ERFE: variants seen among roughly 807,000 people sequenced by gnomAD.
The protein encoded by ERFE is erythroferrone.
Under a neutral mutation model 26.6 loss-of-function variants are expected in ERFE, and 25 were observed. That is an observed-to-expected ratio of 0.94 (90% CI 0.69 to 1.31). ERFE has a LOEUF of 1.31. ERFE is among the 40% of genes most tolerant of loss of function. ERFE has a pLI of 0.00. For missense variants in ERFE, 447 were observed against 440.2 expected, an observed-to-expected ratio of 1.02 and a Z score of -0.14; for synonymous variants, 206 against 204.5, an observed-to-expected ratio of 1.01 and a Z score of -0.06.
At chr2:238,161,934 C>T (rs1005458764) in intron 2 of ERFE, among the ~76,000 whole-genome samples, 10 of 152,232 alleles carry the variant, frequency 6.6e-5, no homozygotes, top group Non-Finnish European at 1.2e-4. Context: ...GCCAGGCTCT[C>T]CCTCTTTTCT....
intron 6 of ERFE, 25 bp from the exon 7 acceptor site, chr2:238,165,581 G>A (rs1693021273): frequency 6.5e-7 from 1 of 1,535,710 alleles, no homozygotes; most frequent in East Asian, 2.5e-5. Context: ...GGGGCAGGCT[G>A]ACCCTCCCTC....
intron 5 of ERFE, 26 bp downstream of exon 5, chr2:238,164,209 G>A (rs996187421): frequency 2.0e-5 from 28 of 1,429,990 alleles, no homozygotes; most frequent in Non-Finnish European, 2.2e-5. Context: ...TGGGAGGATC[G>A]CCCGCTCTGT....
At chr2:238,160,618 T>G (rs1438990778) in intron 1 of ERFE, among the ~76,000 whole-genome samples, 1 of 152,086 alleles carries the variant, frequency 6.6e-6, no homozygotes, top group African/African-American at 2.4e-5. Flanking sequence ...GCCCCCATCT[T>G]CCCACCACAA....
rs1574766218 is a variant in ERFE, at chr2:238,159,215, C to T, written c.198+10C>T. The stretch of plus-strand genomic sequence containing the variant: ...GGCCGCTCGTCCGCCGGTAAGACGC[C>T]CGGGCCCGCTCCAGACCCAGCCCGC... On this transcript the variant is annotated intron_variant, in intron 1 of 7. Coordinates refer to ENST00000546354, the MANE Select transcript of ERFE (RefSeq NM_001291832.2). 5.2e-5 allele frequency: 11 copies of T among 210,080 alleles called. No individual in the cohort carries two copies. The East Asian group carries it at 1.2e-3, about 24-fold the overall frequency. 13.0% of individuals were successfully genotyped at this position (210,080 alleles called of 1,614,324 possible). A position where few individuals can be genotyped will look rare whatever the true frequency, so the allele number is the denominator to read the frequency against.
Position 238,162,838 on chromosome 2 carries a change from G to A in ERFE, c.424G>A (p.Gly142Ser), listed in dbSNP as rs982421427. Reference sequence around the variant, plus strand: ...GAAGGAGTTCCAGCTGCTGCTGAAAGGTAGGGGTGTGCACCGGCTGGGACA... The same window carrying A: ...GAAGGAGTTCCAGCTGCTGCTGAAAAGTAGGGGTGTGCACCGGCTGGGACA... ...LLKEFQLLLKGAVRQRERAEP... is the reference protein window; with the variant it reads ...LLKEFQLLLKSAVRQRERAEP... Residue 142 changes from glycine (G) to serine (S), a missense_variant and splice_region_variant, in exon 3 of 8, where the codon GGT (glycine) becomes AGT (serine). Physicochemically the swap from Gly to Ser is moderately conservative, Grantham distance 56. Coordinates refer to ENST00000546354, the MANE Select transcript of ERFE (RefSeq NM_001291832.2). 6 of 1,549,578 alleles carry A rather than the reference G, an allele frequency of 3.9e-6. No homozygotes were observed. The highest frequency in any genetic ancestry group is 5.2e-6 in the Non-Finnish European group (6 of 1,146,446).
intron 3 of ERFE, 46 bp downstream of exon 3, chr2:238,162,884 G>C (rs540751509): frequency 6.9e-7 from 1 of 1,443,972 alleles, no homozygotes; most frequent in Non-Finnish European, 9.4e-7. Flanking sequence ...GCTGTGAGCA[G>C]GGCCTGGGAG....
intron 7 of ERFE, among the ~76,000 whole-genome samples, chr2:238,165,975 T>C (rs1188901008): frequency 1.3e-5 from 2 of 152,190 alleles, no homozygotes; most frequent in Non-Finnish European, 2.9e-5. Context: ...CCTGAGCACC[T>C]CATCCTGAGG....
rs957570553 is a variant in ERFE, at chr2:238,162,538, G to A, written c.322-198G>A. Among the ~76,000 whole-genome samples, 6 of 152,354 alleles carry A rather than the reference G, an allele frequency of 3.9e-5. No homozygotes were observed. In the East Asian group the frequency reaches 7.7e-4, roughly 20 times the overall value. On this transcript the variant is annotated intron_variant, in intron 2 of 7. Transcript: ENST00000546354. ...CAGAGTCCTTCCCTGCCAAAGCCCC[G>A]CCCCGAGGGCCCCCACCTCCAGCAC...
chr2:238,163,576 C>G, intron 3 of ERFE, 161 bp from the exon 4 acceptor site: 1 of 896,492 alleles, frequency 1.1e-6, no homozygotes, highest in East Asian at 3.5e-5. Context: ...GGTCAGGACG[C>G]AAAGACTCCG....
chr2:238,165,303 T>A (rs1181321855), intron 6 of ERFE, among the ~76,000 whole-genome samples: 1 of 152,222 alleles, frequency 6.6e-6, no homozygotes, highest in Non-Finnish European at 1.5e-5. Flanking sequence ...TAACTTAGCA[T>A]CACCTGCCAC....
At chr2:238,162,873 C>G (rs557772027) in intron 3 of ERFE, 35 bp downstream of exon 3, 1 of 1,493,360 alleles carries the variant, frequency 6.7e-7, no homozygotes, top group Non-Finnish European at 9.1e-7. Context: ...ACACACACCC[C>G]GCTGTGAGCA....
intron 1 of ERFE, among the ~76,000 whole-genome samples, chr2:238,160,215 A>C (rs1202764295): frequency 6.6e-6 from 1 of 152,190 alleles, no homozygotes; most frequent in Admixed American, 6.5e-5. Flanking sequence ...CCAGGCTCCA[A>C]GGCTTGTTTC....
rs1693077026 is a variant in ERFE at position 238,168,129 on chromosome 2, G to C, written c.*1075G>C. The C allele has an allele frequency of 4.0e-6, 1 of 247,608 alleles. No homozygotes were observed. Among genetic ancestry groups the C allele is most frequent in the Admixed American group, 5.1e-5 (1 of 19,542 alleles). The allele number at this position is 247,608 out of a possible 1,614,324, so 15.3% of individuals were successfully genotyped here. A position where few individuals can be genotyped will look rare whatever the true frequency, so the allele number is the denominator to read the frequency against. Reference sequence around the variant, plus strand: ...TCCCGAGAAAGGGTGGTCTTGGGAGGGCTGGTCCCAAGCCTGCTGTGCTCC... The same window carrying C: ...TCCCGAGAAAGGGTGGTCTTGGGAGCGCTGGTCCCAAGCCTGCTGTGCTCC... On this transcript the variant is annotated 3_prime_UTR_variant, in exon 8 of 8. Transcript: ENST00000546354.
chr2:238,165,510 C>A, intron 6 of ERFE, 96 bp from the exon 7 acceptor site: 1 of 1,050,182 alleles, frequency 9.5e-7, no homozygotes, highest in Non-Finnish European at 1.4e-6. Context: ...AGGCACTTTG[C>A]TGGGCATGTG....
rs776231840 is a variant in ERFE at position 238,167,345 on chromosome 2, C to CA, written c.*291_*292insA. 1 of 646,904 alleles carries CA rather than the reference C, an allele frequency of 1.5e-6. No individual in the cohort carries two copies. Among genetic ancestry groups the CA allele is most frequent in the South Asian group, 1.5e-5 (1 of 66,250 alleles). The allele number at this position is 646,904 out of a possible 1,614,324, so 40.1% of individuals were successfully genotyped here. ...CACCTGCTAGTCTCCAGCTGCAGGC[C>CA]GACTCTTTCCTGGCCTGCTCAGCAC... On this transcript the variant is annotated 3_prime_UTR_variant, in exon 8 of 8. Coordinates refer to ENST00000546354, the MANE Select transcript of ERFE (RefSeq NM_001291832.2).
At chr2:238,165,784 C>CGG in intron 7 of ERFE, 100 bp downstream of exon 7, 1 of 1,111,962 alleles carries the variant, frequency 9.0e-7, no homozygotes, top group Non-Finnish European at 1.3e-6. Flanking sequence ...ATCACTGGGT[C>CGG]GGGTGCAGCA....
Position 238,163,870 on chromosome 2 carries a change from G to T in ERFE, c.558G>T (p.Leu186=). The T allele has an allele frequency of 7.6e-7, 1 of 1,317,582 alleles. No individual in the cohort carries two copies. The highest frequency in any genetic ancestry group is 9.6e-7 in the Non-Finnish European group (1 of 1,041,552). 81.6% of individuals were successfully genotyped at this position (1,317,582 alleles called of 1,614,324 possible). A position where few individuals can be genotyped will look rare whatever the true frequency, so the allele number is the denominator to read the frequency against. The stretch of plus-strand genomic sequence containing the variant: ...ACGACGACGTGGTGGGGGACGTGCT[G>T]GCACTGCTGGCCGCGCCCCTGGCCC... ...EDDDDVVGDV[L]ALLAAPLAPG... Residue 186 remains leucine, a synonymous_variant, in exon 4 of 8, where the codon CTG becomes CTT. Transcript: ENST00000546354.
intron 2 of ERFE, 50 bp downstream of exon 2, chr2:238,161,766 C>T (rs745829237): frequency 4.2e-5 from 63 of 1,501,330 alleles, no homozygotes; most frequent in Non-Finnish European, 5.5e-5. Flanking sequence ...TCCGCCTCCT[C>T]GCTCCTCATC....
chr2:238,161,028 G>A lies in ERFE; in HGVS notation c.199-566G>A, dbSNP rs535020052. On this transcript the variant is annotated intron_variant, in intron 1 of 7. Coordinates refer to ENST00000546354, the MANE Select transcript of ERFE (RefSeq NM_001291832.2). Reference sequence around the variant, plus strand: ...AATGAAAGTCTCACACAGAGGCCTCGCGTCATGACAGCTCGCCTGGTCCTC... The same window carrying A: ...AATGAAAGTCTCACACAGAGGCCTCACGTCATGACAGCTCGCCTGGTCCTC... Among the ~76,000 whole-genome samples, 12 of 152,342 alleles carry A rather than the reference G, an allele frequency of 7.9e-5. No homozygotes were observed. In the South Asian group the frequency reaches 1.2e-3, roughly 16 times the overall value.
Sources: gnomAD v4.1 joint callset for allele counts (sites outside exome capture counted in the v4.1 genomes callset) on GRCh38, gnomAD v4.1.1 for gene constraint, MANE v1.5 for transcripts, NCBI Gene and HGNC (gene_info 2026-07-23, HGNC 2026-07-21) for gene names.